The following ETNK1 variants were observed in gnomAD, a reference collection of about 807,000 sequenced individuals.
ETNK1 encodes putative protein product of Nbla10396.
In ETNK1, 8 loss-of-function variants were observed where a neutral mutation model predicts 45.1. The observed-to-expected ratio is 0.18, with a 90% CI of 0.10 to 0.32. The LOEUF is 0.32. Among genes scored for constraint, ETNK1 ranks in the 10% least tolerant of loss-of-function variants. The pLI, the probability that ETNK1 is intolerant of heterozygous loss-of-function variation, is 1.00. For synonymous variants in ETNK1, 152 were observed against 151.9 expected (o/e 1.00, Z -0.01); for missense variants, 302 against 430.6 (o/e 0.70, Z 2.64).
At chr12:22,635,040 A>G (rs1006241995) in intron 1 of ETNK1, among the ~76,000 whole-genome samples, 2 of 152,164 alleles carry the variant, frequency 1.3e-5, no homozygotes, top group African/African-American at 2.4e-5. Context: ...AGTACCCACA[A>G]GTCTTGACAT....
chr12:22,681,846 GA>G lies in ETNK1; in HGVS notation c.946-2630del, dbSNP rs551633717. Among the ~76,000 whole-genome samples, 290 of 152,002 alleles carry G rather than the reference GA, an allele frequency of 1.9e-3. 1 individual carries two copies. Among genetic ancestry groups the G allele is most frequent in the Non-Finnish European group, 3.4e-3 (230 of 67,902 alleles). On this transcript the variant is annotated intron_variant, in intron 6 of 7. Transcript: ENST00000266517. ...ATGGATTGTTTCATTTCAAGTATAT[GA>G]AAAAAAGTTTCACACATGCATGTTG...
chr12:22,656,911 TCATGTAACA>T (rs1202916699), intron 2 of ETNK1: 1 of 605,610 alleles, frequency 1.7e-6, no homozygotes, highest in Non-Finnish European at 2.1e-6. Context: ...CCCTTGTGTT[TCATGTAACA>T]CAGATTGTAT....
At position 22,673,500 on chromosome 12, in the gene ETNK1, G is replaced by A; in HGVS notation, c.785G>A (p.Gly262Asp). Reference protein sequence around the residue: ...DIGNHFNEFAGVSDVDYSLYP... With the variant: ...DIGNHFNEFADVSDVDYSLYP... ...GAGTGTAGTTTTTTTTCTTCTAAAG[G>A]TGTGAGTGATGTAGACTATAGTCTG... Residue 262 changes from glycine to aspartate, a missense_variant and splice_region_variant, in exon 6 of 8, where the codon GGT (glycine) becomes GAT (aspartate). By Grantham distance (94) the Gly-to-Asp change is moderately conservative. Transcript: ENST00000266517. The A allele has an allele frequency of 6.3e-7, 1 of 1,588,856 alleles. No homozygotes were observed. The highest frequency in any genetic ancestry group is 8.6e-7 in the Non-Finnish European group (1 of 1,165,732).
chr12:22,660,783 A>G (rs889948133), intron 3 of ETNK1, among the ~76,000 whole-genome samples: 1 of 152,124 alleles, frequency 6.6e-6, no homozygotes, highest in Non-Finnish European at 1.5e-5. Flanking sequence ...AGTAATTGTT[A>G]ACTATTACCT....
intron 4 of ETNK1, among the ~76,000 whole-genome samples, chr12:22,664,787 A>G (rs1170794982): frequency 6.6e-6 from 1 of 152,116 alleles, no homozygotes; most frequent in East Asian, 1.9e-4. Context: ...TTCTTAAGTC[A>G]TTCATATGAC....
chr12:22,633,066 C>A (rs1027293804), intron 1 of ETNK1, among the ~76,000 whole-genome samples: 1 of 151,968 alleles, frequency 6.6e-6, no homozygotes, highest in Non-Finnish European at 1.5e-5. Context: ...TTTTTGAACA[C>A]GAATATCCAT....
chr12:22,679,651 C>T (rs1954194420), intron 6 of ETNK1, among the ~76,000 whole-genome samples: 1 of 151,820 alleles, frequency 6.6e-6, no homozygotes, highest in Non-Finnish European at 1.5e-5. Context: ...TTGCATTTTA[C>T]ATATGCGATC....
chr12:22,644,647 G>T (rs1302013548), intron 2 of ETNK1: 1 of 160,926 alleles, frequency 6.2e-6, no homozygotes, highest in Non-Finnish European at 1.3e-5. Context: ...TGGGCTCTTT[G>T]TTTTAATATT....
rs199811845 is a variant in ETNK1, at chr12:22,635,538, C to T, written c.157-8225C>T. 1.4e-4 allele frequency among the ~76,000 whole-genome samples: 22 copies of T among 152,276 alleles called. No individual in the cohort carries two copies. In the East Asian group the frequency reaches 4.0e-3, roughly 28 times the overall value. On this transcript the variant is annotated intron_variant, in intron 1 of 7. Coordinates refer to ENST00000266517, the MANE Select transcript of ETNK1 (RefSeq NM_018638.5). ...GAACAGAAGTTCTAAGACTTCTACTCCTGATATTAGGTGACAGATACCACT... is the reference window on the plus strand; with the variant it reads ...GAACAGAAGTTCTAAGACTTCTACTTCTGATATTAGGTGACAGATACCACT...
At chr12:22,650,834 G>T (rs1953865532) in intron 2 of ETNK1, among the ~76,000 whole-genome samples, 1 of 152,092 alleles carries the variant, frequency 6.6e-6, no homozygotes, top group South Asian at 2.1e-4. Context: ...GTGTTTTTAA[G>T]AATTCTTTTT....
At chr12:22,668,322 G>T (rs1374198543) in intron 4 of ETNK1, among the ~76,000 whole-genome samples, 1 of 152,126 alleles carries the variant, frequency 6.6e-6, no homozygotes, top group African/African-American at 2.4e-5. Context: ...CGAAATTTTA[G>T]AAATCAGAAG....
chr12:22,628,159 A>G (rs1396356897), intron 1 of ETNK1, among the ~76,000 whole-genome samples: 1 of 152,100 alleles, frequency 6.6e-6, no homozygotes, highest in Admixed American at 6.5e-5. Flanking sequence ...TTTCACATGC[A>G]TTCTCCCAAC....
At chr12:22,654,864 A>G (rs1350794051) in intron 2 of ETNK1, among the ~76,000 whole-genome samples, 2 of 152,238 alleles carry the variant, frequency 1.3e-5, no homozygotes, top group Admixed American at 6.5e-5. Flanking sequence ...GTTCAAAGGA[A>G]TAATTGTATT....
At chr12:22,649,001 T>C (rs1042128012) in intron 2 of ETNK1, among the ~76,000 whole-genome samples, 3 of 152,114 alleles carry the variant, frequency 2.0e-5, no homozygotes, top group Non-Finnish European at 4.4e-5. Flanking sequence ...GCTTATTTAC[T>C]CATCTGTGTA....
At chr12:22,642,145 C>T (rs1474922428) in intron 1 of ETNK1, among the ~76,000 whole-genome samples, 3 of 152,004 alleles carry the variant, frequency 2.0e-5, no homozygotes, top group African/African-American at 7.2e-5. Context: ...ATGATGATTT[C>T]TGGAGTTTGA....
At chr12:22,677,811 G>A (rs1292667367) in intron 6 of ETNK1, among the ~76,000 whole-genome samples, 2 of 152,114 alleles carry the variant, frequency 1.3e-5, no homozygotes, top group African/African-American at 4.8e-5. Flanking sequence ...CTCTCTGTTT[G>A]TCTGTTATTG....
At position 22,685,128 on chromosome 12, in the gene ETNK1, G is replaced by C; in HGVS notation, c.*174G>C. The C allele has an allele frequency of 9.6e-6, 5 of 520,142 alleles. No homozygotes were observed. The South Asian group carries it at 1.5e-4, about 15-fold the overall frequency. 32.2% of individuals were successfully genotyped at this position (520,142 alleles called of 1,614,324 possible). On this transcript the variant is annotated 3_prime_UTR_variant, in exon 8 of 8. Transcript: ENST00000266517. ...TTTGAAATAGACTGAATGATGTCAA[G>C]AAATATACCTACTGCTATCCGTATG...
At chr12:22,641,595 T>C (rs1953737878) in intron 1 of ETNK1, among the ~76,000 whole-genome samples, 1 of 152,132 alleles carries the variant, frequency 6.6e-6, no homozygotes, top group African/African-American at 2.4e-5. Context: ...GCTACTAATT[T>C]TTCCACTAGT....
chr12:22,627,084 T>C (rs1215124313), intron 1 of ETNK1, among the ~76,000 whole-genome samples: 1 of 152,172 alleles, frequency 6.6e-6, no homozygotes, highest in African/African-American at 2.4e-5. Context: ...CTTTGAAGAC[T>C]GGAATTTCCT....
Sources: gnomAD v4.1 joint callset for allele counts (sites outside exome capture counted in the v4.1 genomes callset) on GRCh38, gnomAD v4.1.1 for gene constraint, MANE v1.5 for transcripts, NCBI Gene and HGNC (gene_info 2026-07-23, HGNC 2026-07-21) for gene names.